Variants in PIEZO1 observed in about 807,000 individuals in gnomAD.
PIEZO1 encodes the protein piezo-type mechanosensitive ion channel component 1.
PIEZO1 carries 296 observed loss-of-function variants against 297.2 expected under a neutral mutation model. The observed-to-expected ratio is 1.00, with a 90% CI of 0.91 to 1.10. The LOEUF (loss-of-function observed/expected upper bound fraction) is 1.10. PIEZO1 is among the 50% of genes least tolerant of loss of function. The pLI is 0.00. For missense variants in PIEZO1, 5,018 were observed against 3,455.5 expected (o/e 1.45, Z -11.34); for synonymous variants, 2,427 against 1,507.5 (o/e 1.61, Z -14.13).
rs1028181317 is a variant in PIEZO1, at chr16:88,750,939, G to A, written c.65-1460C>T. Among the ~76,000 whole-genome samples, 8 of 149,870 alleles carry A rather than the reference G, an allele frequency of 5.3e-5. No homozygotes were observed. In the East Asian group the frequency reaches 1.0e-3, roughly 19 times the overall value. On this transcript the variant is annotated intron_variant, in intron 1 of 50. Transcript: ENST00000301015. Reference sequence around the variant, plus strand: ...AGGAGGCCACAGTGAGCTCAGACCCGTGTCCAAGCGAGACCCCTGGCTGCT... The same window carrying A: ...AGGAGGCCACAGTGAGCTCAGACCCATGTCCAAGCGAGACCCCTGGCTGCT...
intron 31 of PIEZO1, 21 bp downstream of exon 31, chr16:88,723,850 G>T: frequency 7.6e-7 from 1 of 1,323,642 alleles, no homozygotes; most frequent in Non-Finnish European, 1.1e-6. Flanking sequence ...GAGTGGGGCC[G>T]ACGGGGCTCT....
At chr16:88,780,295 CA>C (rs1201393957) in intron 1 of PIEZO1, among the ~76,000 whole-genome samples, 4 of 152,050 alleles carry the variant, frequency 2.6e-5, no homozygotes, top group Non-Finnish European at 5.9e-5. Context: ...AGTCCTAATC[CA>C]AAAAATAGGC....
intron 1 of PIEZO1, among the ~76,000 whole-genome samples, chr16:88,765,402 C>T (rs1250828115): frequency 6.6e-6 from 1 of 152,170 alleles, no homozygotes; most frequent in Non-Finnish European, 1.5e-5. Context: ...GATGGTCGTA[C>T]ATCATGTCTG....
chr16:88,732,559 G>A, intron 20 of PIEZO1, 24 bp from the exon 21 acceptor site: 3 of 1,543,376 alleles, frequency 1.9e-6, no homozygotes, highest in Non-Finnish European at 2.6e-6. Context: ...GGGTCAGGGG[G>A]CAGCCGGGTA....
At position 88,782,783 on chromosome 16, in the gene PIEZO1, C is replaced by T. The variant is rs74891482; in HGVS notation, c.64+2118G>A. On this transcript the variant is annotated intron_variant, in intron 1 of 50. Transcript: ENST00000301015. ...CCAGGCCAGCTGAACCTGCACATCG[C>T]GGGTCCATCTGGAGCTGCCCACACC... 2.6e-5 allele frequency among the ~76,000 whole-genome samples: 4 copies of T among 152,348 alleles called. No homozygotes were observed. The East Asian group carries it at 7.7e-4, about 29-fold the overall frequency.
chr16:88,766,164 C>T (rs192832707), intron 1 of PIEZO1, among the ~76,000 whole-genome samples: 6 of 152,316 alleles, frequency 3.9e-5, no homozygotes, highest in Non-Finnish European at 5.9e-5. Flanking sequence ...AAACGCCAAT[C>T]GCAATTTGGT....
intron 1 of PIEZO1, among the ~76,000 whole-genome samples, chr16:88,761,707 T>C (rs1906941820): frequency 6.6e-6 from 1 of 151,782 alleles, no homozygotes; most frequent in Non-Finnish European, 1.5e-5. Context: ...CATCGGGGCC[T>C]GGGTGGCCCT....
rs547600679 is a variant in PIEZO1 at position 88,715,737 on chromosome 16, G to A, written c.7434C>T (p.Leu2478=). ...FEELPCVDRI[L]KLCQDIFLVR... ...CCAGGAAGATGTCCTGGCAGAGCTT[G>A]AGGATGCGGTCCACGCACGGCAGCT... Residue 2478 remains leucine, a synonymous_variant, in exon 51 of 51, where the codon CTC becomes CTT. Transcript: ENST00000301015. The A allele has an allele frequency of 6.4e-7, 1 of 1,550,514 alleles. No individual in the cohort carries two copies. Among genetic ancestry groups the A allele is most frequent in the East Asian group, 2.4e-5 (1 of 40,922 alleles).
At chr16:88,765,053 G>A (rs1907109698) in intron 1 of PIEZO1, among the ~76,000 whole-genome samples, 1 of 152,248 alleles carries the variant, frequency 6.6e-6, no homozygotes, top group Non-Finnish European at 1.5e-5. Context: ...GCTGGACCCA[G>A]GACAGAAGAT....
chr16:88,779,145 G>T (rs760820756), intron 1 of PIEZO1, among the ~76,000 whole-genome samples: 1 of 151,208 alleles, frequency 6.6e-6, no homozygotes. Flanking sequence ...GGGTTCCGGC[G>T]ATTCTCCTGT....
intron 21 of PIEZO1, 42 bp from the exon 22 acceptor site, chr16:88,731,952 T>TGGGGGGGGGGGGGG (rs746719928): frequency 3.2e-6 from 1 of 307,728 alleles, no homozygotes; most frequent in African/African-American, 2.3e-5. Context: ...GCACTGAGTC[T>TGGGGGGGGGGGGGG]GGGGGGAGGG....
intron 1 of PIEZO1, among the ~76,000 whole-genome samples, chr16:88,751,505 C>T (rs1248081980): frequency 2.0e-5 from 3 of 152,190 alleles, no homozygotes; most frequent in Admixed American, 6.5e-5. Flanking sequence ...CGCGGAGTGC[C>T]GGGCTCCGGG....
At chr16:88,783,569 G>A (rs1334794639) in intron 1 of PIEZO1, among the ~76,000 whole-genome samples, 1 of 152,140 alleles carries the variant, frequency 6.6e-6, no homozygotes, top group Non-Finnish European at 1.5e-5. Context: ...TCTAGACTCT[G>A]CCTCTGTGCC....
At chr16:88,733,814 C>G in intron 17 of PIEZO1, 69 bp from the exon 18 acceptor site, 1 of 1,472,564 alleles carries the variant, frequency 6.8e-7, no homozygotes, top group Non-Finnish European at 9.0e-7. Flanking sequence ...GGAAGAGGCT[C>G]TGGAGCCCAG....
At chr16:88,730,951 G>T (rs1271561883) in intron 22 of PIEZO1, among the ~76,000 whole-genome samples, 1 of 152,248 alleles carries the variant, frequency 6.6e-6, no homozygotes, top group African/African-American at 2.4e-5. Flanking sequence ...GCCCACCAGT[G>T]CCAACAGGCT....
At chr16:88,748,500 C>G (rs1327084974) in intron 2 of PIEZO1, among the ~76,000 whole-genome samples, 1 of 138,764 alleles carries the variant, frequency 7.2e-6, no homozygotes, top group Admixed American at 7.4e-5. Flanking sequence ...CCCCCCCCCC[C>G]CGCACAAGTG....
chr16:88,779,318 T>C (rs1307877194), intron 1 of PIEZO1, among the ~76,000 whole-genome samples: 6 of 152,044 alleles, frequency 3.9e-5, no homozygotes, highest in Non-Finnish European at 7.4e-5. Context: ...GGATTACAGG[T>C]GTGAGCCACC....
chr16:88,768,357 G>A (rs1171426342), intron 1 of PIEZO1, among the ~76,000 whole-genome samples: 1 of 152,218 alleles, frequency 6.6e-6, no homozygotes, highest in Non-Finnish European at 1.5e-5. Flanking sequence ...CTGATTAAGT[G>A]GCCACTTAAG....
rs1418344554 is a variant in PIEZO1, at chr16:88,733,745, C to G, written c.2330G>C (p.Gly777Ala). 11 of 1,541,998 alleles carry G rather than the reference C, an allele frequency of 7.1e-6. No individual in the cohort carries two copies. Among genetic ancestry groups the G allele is most frequent in the Non-Finnish European group, 9.6e-6 (11 of 1,142,390 alleles). The change falls in exon 18 of 51, where the codon GGG becomes GCG. Residue 777 changes from glycine (G) to alanine (A), a missense_variant and splice_region_variant. Gly to Ala is a moderately conservative substitution (Grantham distance 60, BLOSUM62 0). Transcript: ENST00000301015. Reference sequence around the variant, plus strand: ...AGCCACCAGGCCCCACTTGGCTGCCCCTGTGATGGTGTGAGGGTCAGTGCG... The same window carrying G: ...AGCCACCAGGCCCCACTTGGCTGCCGCTGTGATGGTGTGAGGGTCAGTGCG... ...TPHQATQVPE[G>A]AAKWGLVAER...
Sources: allele counts gnomAD v4.1 joint callset (sites outside exome capture counted in the v4.1 genomes callset), GRCh38; gene constraint gnomAD v4.1.1; transcripts MANE v1.5; gene names NCBI Gene and HGNC (gene_info 2026-07-23, HGNC 2026-07-21).